The following NRP2 variants were observed in gnomAD, a reference collection of about 807,000 sequenced individuals.
NRP2 encodes neuropilin 2.
NRP2 carries 52 observed loss-of-function variants against 110.4 expected under a neutral mutation model. That is an observed-to-expected ratio of 0.47 (90% CI 0.38 to 0.59). The LOEUF (loss-of-function observed/expected upper bound fraction) is 0.59. Among genes scored for constraint, NRP2 ranks in the 20% least tolerant of loss-of-function variants. NRP2 has a pLI of 0.00. For missense variants in NRP2, 1,049 were observed against 1,203.0 expected (o/e 0.87, Z 1.89); for synonymous variants, 508 against 468.9 (o/e 1.08, Z -1.08).
At chr2:205,760,769 C>G (rs1327212798) in intron 12 of NRP2, 1 of 152,170 alleles carries the variant, frequency 6.6e-6, no homozygotes, top group Non-Finnish European at 1.5e-5. Context: ...CAGCCCAGTT[C>G]TTCACACTTC....
At chr2:205,741,630 C>T (rs1383239372) in intron 8 of NRP2, among the ~76,000 whole-genome samples, 23 of 152,168 alleles carry the variant, frequency 1.5e-4, no homozygotes, top group Admixed American at 1.3e-4. Flanking sequence ...TGGGCTCAGC[C>T]CAGGGCAGGC....
chr2:205,776,856 T>C (rs1426895033), intron 15 of NRP2: 10 of 1,249,940 alleles, frequency 8.0e-6, no homozygotes, highest in African/African-American at 3.1e-5. Flanking sequence ...GCTTGTTTTT[T>C]CCCCTTGCCT....
Position 205,722,725 on chromosome 2 carries a change from G to A in NRP2, c.664+17G>A, listed in dbSNP as rs183585509. 171 of 1,604,012 alleles carry A rather than the reference G, an allele frequency of 1.1e-4. 3 individuals carry two copies. In the African/African-American group the frequency reaches 1.8e-3, roughly 17 times the overall value. Reference sequence around the variant, plus strand: ...TTCCACATGGTGAGTGATGTCATGAGGCATTCCTCAGTAGCTTGGCCTTTG... The same window carrying A: ...TTCCACATGGTGAGTGATGTCATGAAGCATTCCTCAGTAGCTTGGCCTTTG... On this transcript the variant is annotated intron_variant, in intron 4 of 16. Transcript: ENST00000357785.
At chr2:205,708,583 G>C (rs1330756921) in intron 2 of NRP2, among the ~76,000 whole-genome samples, 2 of 152,210 alleles carry the variant, frequency 1.3e-5, no homozygotes, top group Non-Finnish European at 2.9e-5. Flanking sequence ...GGAACAATGA[G>C]ATTGGCGGGG....
intron 2 of NRP2, among the ~76,000 whole-genome samples, chr2:205,708,070 C>T (rs993089747): frequency 6.6e-6 from 1 of 152,194 alleles, no homozygotes; most frequent in African/African-American, 2.4e-5. Context: ...GCTGCTGCCG[C>T]TGAGAAAAAC....
rs187188732 is a variant in NRP2 at position 205,722,515 on chromosome 2, C to T, written c.471C>T (p.Asn157=). The change falls in exon 4 of 17, where the codon AAC becomes AAT. Residue 157 remains asparagine (N), a synonymous_variant. Transcript: ENST00000357785. ...EDCSKNFTSP[N]GTIESPGFPE... is the part of the protein sequence containing the mutation. ...GCTCAAAAAACTTCACAAGCCCCAA[C>T]GGGACCATCGAATCTCCTGGGTTTC... 4.5e-5 allele frequency: 72 copies of T among 1,614,196 alleles called. 1 individual carries two copies. In the East Asian group the frequency reaches 6.5e-4, roughly 14 times the overall value.
At chr2:205,754,246 G>A (rs757516138) in intron 12 of NRP2, among the ~76,000 whole-genome samples, 1 of 152,056 alleles carries the variant, frequency 6.6e-6, no homozygotes, top group Non-Finnish European at 1.5e-5. Flanking sequence ...AAGAGGGAAA[G>A]GGACCTTCCC....
intron 6 of NRP2, 89 bp downstream of exon 6, chr2:205,726,171 C>A: frequency 1.5e-6 from 2 of 1,341,484 alleles, no homozygotes; most frequent in Non-Finnish European, 2.1e-6. Context: ...GCAGAGGACA[C>A]AAAGAAAATA....
In NRP2 at chr2:205,763,537, G is replaced by C. The variant is rs2057859229; in HGVS notation, c.2045-137G>C. ...AGGAGCCTTAAGAAAGGGTCACAGA[G>C]CCTGGAGAACAAGGACATGAATAAA... On this transcript the variant is annotated intron_variant, in intron 12 of 16. Coordinates refer to ENST00000357785, the MANE Select transcript of NRP2 (RefSeq NM_003872.3). The surrounding 1 kb of genome is among the most constrained non-coding windows in gnomAD (Gnocchi z 4.0). 1.8e-6 allele frequency: 2 copies of C among 1,139,464 alleles called. No homozygotes were observed. The highest frequency in any genetic ancestry group is 2.5e-5 in the South Asian group (2 of 79,050). The allele number at this position is 1,139,464 out of a possible 1,614,324, so 70.6% of individuals were successfully genotyped here.
rs778272896 is a variant in NRP2, at chr2:205,765,504, C to T, written c.2338C>T (p.Arg780Cys). The T allele has an allele frequency of 6.2e-6, 10 of 1,613,976 alleles. No homozygotes were observed. The highest frequency in any genetic ancestry group is 2.2e-5 in the East Asian group (1 of 44,896). The change falls in exon 14 of 17, where the codon CGT becomes TGT. Residue 780 changes from arginine to cysteine, a missense_variant. Physicochemically the swap from Arg to Cys is radical, Grantham distance 180. Transcript: ENST00000357785. ...GTTCGAGGGAGTGATAGGGAAAGGA[C>T]GTTCCGGAGAGATTGCCATTGATGA... ...IVFEGVIGKG[R>C]SGEIAIDDIR...
intron 15 of NRP2, 39 bp downstream of exon 15, chr2:205,766,842 A>C (rs778211844): frequency 2.5e-6 from 4 of 1,583,920 alleles, no homozygotes; most frequent in Non-Finnish European, 3.4e-6. Flanking sequence ...TTTTTTTTGC[A>C]TGCTTTTTCC....
At chr2:205,743,991 G>C (rs1479498796) in intron 9 of NRP2, among the ~76,000 whole-genome samples, 1 of 152,170 alleles carries the variant, frequency 6.6e-6, no homozygotes, top group African/African-American at 2.4e-5. Context: ...TGATCCACTT[G>C]CCTTGGCCTC....
chr2:205,687,810 T>C (rs928365053), intron 1 of NRP2, among the ~76,000 whole-genome samples: 2 of 152,060 alleles, frequency 1.3e-5, no homozygotes, highest in African/African-American at 4.8e-5. Flanking sequence ...GTTCCTATCT[T>C]CCAGGCATAG....
chr2:205,722,578 C>T lies in NRP2; in HGVS notation c.534C>T (p.Thr178=). Residue 178 remains threonine (T), a synonymous_variant, in exon 4 of 17, where the codon ACC becomes ACT. Transcript: ENST00000357785. Reference sequence around the variant, plus strand: ...CACACAACTTGGACTGCACCTTTACCATCCTGGCCAAACCCAAGATGGAGA... The same window carrying T: ...CACACAACTTGGACTGCACCTTTACTATCCTGGCCAAACCCAAGATGGAGA... ...KYPHNLDCTF[T]ILAKPKMEII... is the part of the protein sequence containing the mutation. The T allele has an allele frequency of 6.2e-7, 1 of 1,614,172 alleles. No individual in the cohort carries two copies. The highest frequency in any genetic ancestry group is 1.1e-5 in the South Asian group (1 of 91,080).
At chr2:205,758,778 G>T (rs1407677333) in intron 12 of NRP2, among the ~76,000 whole-genome samples, 1 of 152,166 alleles carries the variant, frequency 6.6e-6, no homozygotes, top group Non-Finnish European at 1.5e-5. Context: ...TTTCTTGGAA[G>T]CTGTCCATTG....
At chr2:205,728,098 G>A (rs1344143074) in intron 7 of NRP2, 52 bp downstream of exon 7, 1 of 1,609,104 alleles carries the variant, frequency 6.2e-7, no homozygotes, top group Non-Finnish European at 8.5e-7. Context: ...CAGGAGGGAT[G>A]GGATCAGGGG....
At chr2:205,738,981 A>C (rs2057393706) in intron 7 of NRP2, among the ~76,000 whole-genome samples, 1 of 152,188 alleles carries the variant, frequency 6.6e-6, no homozygotes, top group Non-Finnish European at 1.5e-5. Context: ...TAACCTTAGC[A>C]AGCAGGAAAT....
chr2:205,724,338 A>T (rs1364693171), intron 5 of NRP2, among the ~76,000 whole-genome samples: 2 of 152,144 alleles, frequency 1.3e-5, no homozygotes, highest in Non-Finnish European at 2.9e-5. Context: ...CTCAGGGGCA[A>T]TTGTCACAAA....
At chr2:205,717,030 G>C (rs1331326930) in intron 3 of NRP2, among the ~76,000 whole-genome samples, 1 of 152,150 alleles carries the variant, frequency 6.6e-6, no homozygotes, top group African/African-American at 2.4e-5. Context: ...ATTTCCATCA[G>C]GTCCCCCTTA....
Sources: allele counts gnomAD v4.1 joint callset (sites outside exome capture counted in the v4.1 genomes callset), GRCh38; gene constraint gnomAD v4.1.1; non-coding constraint Gnocchi (gnomAD v3.1); transcripts MANE v1.5; gene names NCBI Gene and HGNC (gene_info 2026-07-23, HGNC 2026-07-21).